Variants in LTBP4 observed in about 807,000 individuals in gnomAD.
LTBP4 encodes latent transforming growth factor beta binding protein 4.
Under a neutral mutation model 180.2 loss-of-function variants are expected in LTBP4, and 93 were observed. The observed-to-expected ratio is 0.52, with a 90% CI of 0.44 to 0.61. The LOEUF (loss-of-function observed/expected upper bound fraction) is 0.61. Among genes scored for constraint, LTBP4 ranks in the 20% least tolerant of loss-of-function variants. The probability of loss-of-function intolerance (pLI) is 0.00; values close to 1 mark genes in which losing one functional copy is unlikely to be tolerated. For synonymous variants in LTBP4, 947 were observed against 934.5 expected (o/e 1.01, Z -0.24); for missense variants, 2,116 against 2,256.5 (o/e 0.94, Z 1.26).
intron 19 of LTBP4, among the ~76,000 whole-genome samples, chr19:40,615,107 C>T (rs770106866): frequency 1.3e-5 from 2 of 149,186 alleles, no homozygotes; most frequent in Non-Finnish European, 3.0e-5. Context: ...CCTCCCGCCC[C>T]GCTCTTTCAC....
At chr19:40,618,333 C>T (rs2081564552) in intron 21 of LTBP4, among the ~76,000 whole-genome samples, 1 of 150,912 alleles carries the variant, frequency 6.6e-6, no homozygotes, top group Non-Finnish European at 1.5e-5. Context: ...GATCTTGGCT[C>T]ACTGCAACCT....
chr19:40,622,406 T>C lies in LTBP4; in HGVS notation c.3223T>C (p.Phe1075Leu). 6.5e-7 allele frequency: 1 copy of C among 1,533,052 alleles called. No homozygotes were observed. Among genetic ancestry groups the C allele is most frequent in the Non-Finnish European group, 8.8e-7 (1 of 1,133,874 alleles). 95.0% of individuals were successfully genotyped at this position (1,533,052 alleles called of 1,614,324 possible). The part of the protein sequence containing the change: ...CVPPRTSAGT[F>L]PGSQPQAPAS... ...AAAGCTCCTTGTCTCCCCAGGCACG[T>C]TCCCAGGCTCGCAGCCCCAGGCACC... Residue 1075 changes from phenylalanine (F) to leucine (L), a missense_variant, in exon 23 of 30, where the codon TTC (phenylalanine) becomes CTC (leucine). Phe to Leu is a conservative substitution (Grantham distance 22). Around this residue, in one of 5 missense-constraint regions of LTBP4, gnomAD observed 278 missense variants for 373.0 expected, o/e 0.75. Transcript: ENST00000396819. The surrounding 1 kb of genome is among the most constrained non-coding windows in gnomAD (Gnocchi z 5.1).
upstream of LTBP4, chr19:40,600,203 C>T: frequency 3.3e-6 from 4 of 1,220,096 alleles, no homozygotes; most frequent in Non-Finnish European, 3.1e-6. This position sits in a 1 kb window ranked among gnomAD's most constrained non-coding sequence, Gnocchi z 4.4. Flanking sequence ...TTTCCTCCGC[C>T]TGGGGCGAGG....
intron 24 of LTBP4, 150 bp downstream of exon 24, chr19:40,623,171 TTTC>T (rs1170135391): frequency 1.4e-5 from 7 of 510,424 alleles, no homozygotes; most frequent in African/African-American, 6.1e-5. Flanking sequence ...CTTTCTTTTC[TTTC>T]TTTTTTTTTT....
In LTBP4 at chr19:40,609,446, TGTCTCCGGG is replaced by T; in HGVS notation, c.1427-82_1427-74del. On this transcript the variant is annotated intron_variant, in intron 9 of 29. Coordinates refer to ENST00000396819, the MANE Select transcript of LTBP4 (RefSeq NM_001042545.2). This position sits in a 1 kb window ranked among gnomAD's most constrained non-coding sequence, Gnocchi z 4.9. ...GACATCCATGAAGGTGTTTTATGGA[TGTCTCCGGG>T]GGTGGGGGTTTTACTGGGATGAAAG... 6.5e-7 allele frequency: 1 copy of T among 1,544,600 alleles called. No homozygotes were observed. Among genetic ancestry groups the T allele is most frequent in the East Asian group, 2.3e-5 (1 of 43,914 alleles).
chr19:40,595,040 T>C (rs982713836), intron 1 of LTBP4, among the ~76,000 whole-genome samples: 2 of 145,270 alleles, frequency 1.4e-5, no homozygotes, highest in Non-Finnish European at 3.0e-5. Flanking sequence ...ATCCACGAGG[T>C]GGGGGCGGGG....
At position 40,611,970 on chromosome 19, in the gene LTBP4, G is replaced by T. The variant is rs1305126841; in HGVS notation, c.2165G>T (p.Gly722Val). Reference protein sequence around the residue: ...CPMGFQPNTAGSECEDVDECE... With the variant: ...CPMGFQPNTAVSECEDVDECE... ...ATGGGCTTCCAACCCAACACTGCTG[G>T]CTCCGAGTGCGAGGGTGAGGCCGGG... The change falls in exon 14 of 30, where the codon GGC becomes GTC. Residue 722 changes from glycine to valine, a missense_variant. This residue lies in a region of LTBP4 where 877 missense variants were observed against 873.6 expected (regional missense o/e 1.00). Coordinates refer to ENST00000396819, the MANE Select transcript of LTBP4 (RefSeq NM_001042545.2). This position sits in a 1 kb window ranked among gnomAD's most constrained non-coding sequence, Gnocchi z 4.4. 1.2e-6 allele frequency: 2 copies of T among 1,611,966 alleles called. No individual in the cohort carries two copies. Among genetic ancestry groups the T allele is most frequent in the African/African-American group, 2.7e-5 (2 of 74,926 alleles).
In LTBP4 at chr19:40,613,209, G is replaced by A. The variant is rs1421521429; in HGVS notation, c.2431+13G>A. 6.4e-7 allele frequency: 1 copy of A among 1,559,646 alleles called. No homozygotes were observed. Among genetic ancestry groups the A allele is most frequent in the Non-Finnish European group, 8.7e-7 (1 of 1,151,512 alleles). On this transcript the variant is annotated intron_variant, in intron 16 of 29. Coordinates refer to ENST00000396819, the MANE Select transcript of LTBP4 (RefSeq NM_001042545.2). This position sits in a 1 kb window ranked among gnomAD's most constrained non-coding sequence, Gnocchi z 5.0. Reference sequence around the variant, plus strand: ...GGGCCCTGCGCAGGTGAGCAGCATAGGGACCCGCCAGAGAGTCTGGGAGTA... The same window carrying A: ...GGGCCCTGCGCAGGTGAGCAGCATAAGGACCCGCCAGAGAGTCTGGGAGTA...
At chr19:40,625,683 C>T (rs2081628626) in intron 26 of LTBP4, among the ~76,000 whole-genome samples, 174 bp from the exon 27 acceptor site, 1 of 152,146 alleles carries the variant, frequency 6.6e-6, no homozygotes, top group Non-Finnish European at 1.5e-5. Flanking sequence ...CTCCTTGTTC[C>T]TCAATCCAGA....
At position 40,610,631 on chromosome 19, in the gene LTBP4, C is replaced by G. The variant is rs780205324; in HGVS notation, c.1784C>G (p.Ala595Gly). ...TGCGTGTGCCCCGCCGGGTACCAGG[C>G]TGCACCGCACGGAGCCAGCTGCCAG... ...FLCVCPAGYQ[A>G]APHGASCQDV... The change falls in exon 12 of 30, where the codon GCT becomes GGT. Residue 595 changes from alanine (A) to glycine (G), a missense_variant. Physicochemically the swap from Ala to Gly is moderately conservative, Grantham distance 60 (BLOSUM62 0). This residue lies in a region of LTBP4 where 877 missense variants were observed against 873.6 expected (regional missense o/e 1.00). Transcript: ENST00000396819. 2.5e-6 allele frequency: 4 copies of G among 1,584,814 alleles called. No individual in the cohort carries two copies. Among genetic ancestry groups the G allele is most frequent in the Non-Finnish European group, 3.4e-6 (4 of 1,170,860 alleles).
In LTBP4 at chr19:40,622,317, A is replaced by G. The variant is rs1259069780; in HGVS notation, c.3218-84A>G. 1 of 1,409,652 alleles carries G rather than the reference A, an allele frequency of 7.1e-7. No homozygotes were observed. Among genetic ancestry groups the G allele is most frequent in the South Asian group, 1.5e-5 (1 of 66,012 alleles). 87.3% of individuals were successfully genotyped at this position (1,409,652 alleles called of 1,614,324 possible). On this transcript the variant is annotated intron_variant, in intron 22 of 29. Transcript: ENST00000396819. The surrounding 1 kb of genome is among the most constrained non-coding windows in gnomAD (Gnocchi z 5.1). Reference sequence around the variant, plus strand: ...GCTGCCACCCTCTGTTTCCCTATCTATGCCAGCCTCAGTTTCCCCATCTAT... The same window carrying G: ...GCTGCCACCCTCTGTTTCCCTATCTGTGCCAGCCTCAGTTTCCCCATCTAT...
chr19:40,613,674 G>C lies in LTBP4; in HGVS notation c.2557+145G>C. 1.2e-5 allele frequency: 16 copies of C among 1,342,294 alleles called. No individual in the cohort carries two copies. Among genetic ancestry groups the C allele is most frequent in the Non-Finnish European group, 1.6e-5 (16 of 974,286 alleles). The allele number at this position is 1,342,294 out of a possible 1,614,324, so 83.1% of individuals were successfully genotyped here. ...TCAGGGGGCAGCTGGTGGGAGTCTC[G>C]AGGCAGTGAGGGGGGGCGGGGCGTG... On this transcript the variant is annotated intron_variant, in intron 17 of 29. Coordinates refer to ENST00000396819, the MANE Select transcript of LTBP4 (RefSeq NM_001042545.2). The surrounding 1 kb of genome is among the most constrained non-coding windows in gnomAD (Gnocchi z 5.0).
At chr19:40,628,679 G>C (rs2081654978) in intron 29 of LTBP4, among the ~76,000 whole-genome samples, 1 of 152,078 alleles carries the variant, frequency 6.6e-6, no homozygotes, top group African/African-American at 2.4e-5. Context: ...TATTAACACT[G>C]ATTTACAATA....
intron 1 of LTBP4, 107 bp from the exon 2 acceptor site, chr19:40,604,928 C>A: frequency 9.7e-7 from 1 of 1,027,844 alleles, no homozygotes; most frequent in Non-Finnish European, 1.4e-6. Context: ...CACATGACAG[C>A]TAAGGGCGGA....
chr19:40,625,842 T>A lies in LTBP4; in HGVS notation c.3833-15T>A. ...GTGCCAGGCCCACTCTGACACATGC[T>A]GTCTCCACCTACAGATGACAATCTG... On this transcript the variant is annotated splice_polypyrimidine_tract_variant and intron_variant, in intron 26 of 29. Transcript: ENST00000396819. 2 of 1,553,408 alleles carry A rather than the reference T, an allele frequency of 1.3e-6. No individual in the cohort carries two copies. Among genetic ancestry groups the A allele is most frequent in the South Asian group, 2.4e-5 (2 of 82,464 alleles).
intron 18 of LTBP4, 45 bp from the exon 19 acceptor site, chr19:40,614,270 T>C: frequency 1.3e-6 from 2 of 1,583,948 alleles, no homozygotes; most frequent in Non-Finnish European, 1.7e-6. Context: ...TCCCCCATCT[T>C]GCCTCCCTGC....
intron 5 of LTBP4, 27 bp downstream of exon 5, chr19:40,606,334 C>T (rs2081461374): frequency 6.3e-7 from 1 of 1,599,118 alleles, no homozygotes; most frequent in African/African-American, 1.3e-5. Context: ...GTGGGAGGGG[C>T]TTGGTTCTGG....
Position 40,627,075 on chromosome 19 carries a change from T to G in LTBP4, c.4086T>G (p.Gly1362=). Residue 1362 remains glycine (G), a synonymous_variant, in exon 28 of 30, where the codon GGT becomes GGG. Transcript: ENST00000396819. ...CCTACGAGTACGGCCCAGACTTAGG[T>G]CCACCTTACCAGGGCCTCCCATATG... ...GLPYEYGPDL[G]PPYQGLPYGP... is the part of the protein sequence containing the mutation. 2 of 1,613,766 alleles carry G rather than the reference T, an allele frequency of 1.2e-6. No homozygotes were observed. The highest frequency in any genetic ancestry group is 1.7e-6 in the Non-Finnish European group (2 of 1,179,784).
At position 40,627,793 on chromosome 19, in the gene LTBP4, C is replaced by T. The variant is rs1268790597; in HGVS notation, c.4455C>T (p.Pro1485=). 2 of 1,570,778 alleles carry T rather than the reference C, an allele frequency of 1.3e-6. No homozygotes were observed. Among genetic ancestry groups the T allele is most frequent in the Admixed American group, 1.8e-5 (1 of 54,374 alleles). ...CCAACGGCCGCTGCGTGCGCGTCCC[C>T]GAAGGCTTCACCTGCCGTTGCTTCG... ...GCTNGRCVRV[P]EGFTCRCFDG... is the part of the protein sequence containing the mutation. The change falls in exon 29 of 30, where the codon CCC becomes CCT. Residue 1485 remains proline (P), a synonymous_variant. Coordinates refer to ENST00000396819, the MANE Select transcript of LTBP4 (RefSeq NM_001042545.2).
Sources: allele counts gnomAD v4.1 joint callset (sites outside exome capture counted in the v4.1 genomes callset), GRCh38; gene constraint gnomAD v4.1.1; regional missense constraint gnomAD v4.1.1; non-coding constraint Gnocchi (gnomAD v3.1); transcripts MANE v1.5; gene names NCBI Gene and HGNC (gene_info 2026-07-23, HGNC 2026-07-21).